LPP: variants seen among roughly 807,000 people sequenced by gnomAD.
The protein encoded by LPP is lipoma-preferred partner.
A neutral mutation model predicts 60.4 loss-of-function variants in LPP; 38 were observed. The ratio of observed to expected loss-of-function variants is 0.63; its 90% confidence interval spans 0.49 to 0.83. LPP has a LOEUF of 0.83. Among genes scored for constraint, LPP ranks in the 40% least tolerant of loss-of-function variants. The probability of loss-of-function intolerance (pLI) is 0.00; values close to 1 mark genes in which losing one functional copy is unlikely to be tolerated. For missense variants in LPP, 902 were observed against 783.6 expected, an observed-to-expected ratio of 1.15 and a Z score of -1.80; for synonymous variants, 328 against 290.8, an observed-to-expected ratio of 1.13 and a Z score of -1.30.
At chr3:188,629,625 A>G (rs1257177926) in intron 7 of LPP, among the ~76,000 whole-genome samples, 2 of 152,126 alleles carry the variant, frequency 1.3e-5, no homozygotes, top group African/African-American at 2.4e-5. Flanking sequence ...AAAAATCAAT[A>G]TTGTTAAAAT....
intron 2 of LPP, among the ~76,000 whole-genome samples, chr3:188,250,820 TTC>T (rs1729164236): frequency 2.0e-5 from 3 of 147,638 alleles, no homozygotes; most frequent in African/African-American, 7.8e-5. Context: ...CTTTCTTTCT[TTC>T]TTTTTCTTTC....
At chr3:188,240,172 A>G (rs73190776) in intron 2 of LPP, 3 of 184,146 alleles carry the variant, frequency 1.6e-5, no homozygotes, top group East Asian at 8.8e-5. Context: ...GGTGGGGTTT[A>G]TGTGTAAATG....
chr3:188,676,061 C>T (rs548062259), intron 7 of LPP, among the ~76,000 whole-genome samples: 2 of 152,050 alleles, frequency 1.3e-5, no homozygotes, highest in African/African-American at 4.8e-5. Flanking sequence ...TGAGAATTGG[C>T]TTTGGTCTGT....
intron 4 of LPP, among the ~76,000 whole-genome samples, chr3:188,462,552 A>C (rs1475066305): frequency 2.6e-4 from 9 of 34,392 alleles, no homozygotes; most frequent in African/African-American, 8.6e-4. Context: ...CTTTATATAT[A>C]TATATATATA....
chr3:188,420,045 T>C (rs574560350), intron 4 of LPP, among the ~76,000 whole-genome samples: 1 of 152,162 alleles, frequency 6.6e-6, no homozygotes, highest in Non-Finnish European at 1.5e-5. Context: ...GAAATGAAAA[T>C]ATGAACATTA....
rs542213743 is a variant in LPP at position 188,154,187 on chromosome 3, A to AGCCGCCGCCGCC, written c.-239_-228dup. The AGCCGCCGCCGCC allele has an allele frequency of 3.7e-4, 79 of 212,110 alleles. 8 individuals carry two copies. The highest frequency in any genetic ancestry group is 9.9e-4 in the East Asian group (6 of 6,060). 13.1% of individuals were successfully genotyped at this position (212,110 alleles called of 1,614,324 possible). A position where few individuals can be genotyped will look rare whatever the true frequency, so the allele number is the denominator to read the frequency against. On this transcript the variant is annotated 5_prime_UTR_variant, in exon 1 of 12. Coordinates refer to ENST00000617246, the MANE Select transcript of LPP (RefSeq NM_001375462.1). ...CTCCTCTGCCTCTGCCTCCGCCTCC[A>AGCCGCCGCCGCC]GCCGCCGCCGCCGCCGCCGCCGCCG...
At chr3:188,402,515 A>G (rs951413434) in intron 3 of LPP, among the ~76,000 whole-genome samples, 20 of 152,244 alleles carry the variant, frequency 1.3e-4, no homozygotes, top group Admixed American at 1.3e-3. Flanking sequence ...TTATTCCACA[A>G]ATGCCAAGAT....
At chr3:188,347,089 G>A (rs1215794874) in intron 3 of LPP, among the ~76,000 whole-genome samples, 1 of 152,296 alleles carries the variant, frequency 6.6e-6, no homozygotes, top group Middle Eastern at 3.4e-3. Flanking sequence ...GAGAGGTTGA[G>A]TAATTTGCCC....
At chr3:188,554,289 G>A (rs995131493) in intron 6 of LPP, among the ~76,000 whole-genome samples, 4 of 152,074 alleles carry the variant, frequency 2.6e-5, no homozygotes, top group African/African-American at 9.7e-5. Context: ...ATGTGTTATT[G>A]ATGTGACATA....
At chr3:188,240,865 T>G (rs2149459387) in intron 2 of LPP, among the ~76,000 whole-genome samples, 1 of 152,304 alleles carries the variant, frequency 6.6e-6, no homozygotes. Flanking sequence ...CCCTATTGGC[T>G]ATATTAAAGT....
At chr3:188,369,557 TA>T (rs1177226339) in intron 3 of LPP, among the ~76,000 whole-genome samples, 4 of 152,284 alleles carry the variant, frequency 2.6e-5, no homozygotes, top group Middle Eastern at 3.4e-3. Flanking sequence ...AAAAGGCTTG[TA>T]AACTACAAAG....
intron 5 of LPP, among the ~76,000 whole-genome samples, chr3:188,504,795 G>GAA (rs58624757): frequency 1.5e-5 from 2 of 133,574 alleles, no homozygotes; most frequent in Non-Finnish European, 3.2e-5. Flanking sequence ...AATAAAGGAA[G>GAA]AAAAAAAAAA....
chr3:188,458,735 G>A (rs1798311529), intron 4 of LPP, among the ~76,000 whole-genome samples: 1 of 152,124 alleles, frequency 6.6e-6, no homozygotes, highest in Admixed American at 6.5e-5. Flanking sequence ...TAAATAACAT[G>A]TCAGGAGAGC....
intron 3 of LPP, among the ~76,000 whole-genome samples, chr3:188,389,337 C>G (rs1390625087): frequency 6.6e-6 from 1 of 152,156 alleles, no homozygotes; most frequent in African/African-American, 2.4e-5. Flanking sequence ...TCTCCTGTGC[C>G]TTTGTGCCCA....
At chr3:188,564,165 T>C (rs1374806952) in intron 6 of LPP, among the ~76,000 whole-genome samples, 1 of 152,040 alleles carries the variant, frequency 6.6e-6, no homozygotes, top group African/African-American at 2.4e-5. Context: ...AAAAATATAA[T>C]TGAATTCTCT....
Position 188,610,064 on chromosome 3 carries a change from A to G in LPP, c.1113+220A>G, listed in dbSNP as rs1461271225. On this transcript the variant is annotated intron_variant, in intron 7 of 11. Transcript: ENST00000617246. The surrounding 1 kb of genome is among the most constrained non-coding windows in gnomAD (Gnocchi z 4.4). ...AGTATCAAATGGAATTGCTTGCTCA[A>G]TCTCAGAGAATCATCTTCCAAAGCC... 2.6e-5 allele frequency among the ~76,000 whole-genome samples: 4 copies of G among 152,150 alleles called. No homozygotes were observed. Among genetic ancestry groups the G allele is most frequent in the Admixed American group, 6.5e-5 (1 of 15,282 alleles).
chr3:188,305,205 A>G (rs1054444712), intron 2 of LPP, among the ~76,000 whole-genome samples: 9 of 152,206 alleles, frequency 5.9e-5, no homozygotes, highest in Non-Finnish European at 2.9e-5. Context: ...TAGGAGCTAA[A>G]TACTAAATAT....
chr3:188,702,280 A>G (rs1864619898), intron 7 of LPP, among the ~76,000 whole-genome samples: 1 of 150,262 alleles, frequency 6.7e-6, no homozygotes, highest in African/African-American at 2.4e-5. Context: ...TTTTTTAGAT[A>G]TACATGTTCC....
rs191274066 is a variant in LPP, at chr3:188,319,843, G to A, written c.-66-21820G>A. ...TCCAGTTTTTCCACTAATGCCTTTC[G>A]TTTTTTTCCTAGATCTAGTTTAGGA... On this transcript the variant is annotated intron_variant, in intron 2 of 11. Transcript: ENST00000617246. 3.1e-3 allele frequency among the ~76,000 whole-genome samples: 466 copies of A among 152,098 alleles called. 4 individuals are homozygous for A. The highest frequency in any genetic ancestry group is 5.3e-3 in the Non-Finnish European group (362 of 67,976).
Sources: gnomAD v4.1 joint callset for allele counts (sites outside exome capture counted in the v4.1 genomes callset) on GRCh38, gnomAD v4.1.1 for gene constraint, Gnocchi (gnomAD v3.1) non-coding constraint, MANE v1.5 for transcripts, NCBI Gene and HGNC (gene_info 2026-07-23, HGNC 2026-07-21) for gene names.